Variants in MYRIP observed in about 807,000 individuals in gnomAD.
MYRIP encodes myosin VIIA and Rab interacting protein.
A neutral mutation model predicts 98.0 loss-of-function variants in MYRIP; 49 were observed. That is an observed-to-expected ratio of 0.50 (90% CI 0.40 to 0.63). The LOEUF (loss-of-function observed/expected upper bound fraction) is 0.63. MYRIP is among the 30% of genes least tolerant of loss of function. MYRIP has a pLI of 0.00. For synonymous variants in MYRIP, 404 were observed against 409.5 expected (o/e 0.99, Z 0.16); for missense variants, 1,004 against 1,058.2 (o/e 0.95, Z 0.71).
intron 10 of MYRIP, among the ~76,000 whole-genome samples, chr3:40,204,123 AG>A (rs1559451755): frequency 1.1e-4 from 2 of 17,670 alleles, no homozygotes; most frequent in African/African-American, 1.5e-4. Context: ...ATAAATATAG[AG>A]TATTATATAA....
intron 2 of MYRIP, among the ~76,000 whole-genome samples, chr3:39,947,766 C>G (rs962305751): frequency 2.6e-5 from 4 of 152,142 alleles, no homozygotes; most frequent in African/African-American, 9.7e-5. Flanking sequence ...GAGAGAGACC[C>G]TGTCTCAGAA....
chr3:40,068,735 G>A (rs1328890479), intron 3 of MYRIP, among the ~76,000 whole-genome samples: 2 of 152,168 alleles, frequency 1.3e-5, no homozygotes, highest in African/African-American at 4.8e-5. Context: ...AGAGGAAAAG[G>A]TACATCATCC....
intron 1 of MYRIP, among the ~76,000 whole-genome samples, chr3:39,861,411 C>G (rs535660427): frequency 1.3e-5 from 2 of 152,334 alleles, no homozygotes; most frequent in South Asian, 2.1e-4. Context: ...AGCAAAAGAA[C>G]TCTGGCAAAT....
intron 1 of MYRIP, among the ~76,000 whole-genome samples, chr3:39,830,421 T>C (rs373514921): frequency 6.6e-6 from 1 of 152,192 alleles, no homozygotes. Context: ...ATTCTCTTCA[T>C]TGATGTCTCA....
intron 3 of MYRIP, among the ~76,000 whole-genome samples, chr3:40,104,361 T>C (rs1949012727): frequency 6.6e-6 from 1 of 152,206 alleles, no homozygotes; most frequent in Non-Finnish European, 1.5e-5. Flanking sequence ...ATATTCTCCA[T>C]TTTCTCAGTG....
At chr3:39,931,167 C>T (rs1944528531) in intron 2 of MYRIP, among the ~76,000 whole-genome samples, 1 of 152,000 alleles carries the variant, frequency 6.6e-6, no homozygotes, top group African/African-American at 2.4e-5. Flanking sequence ...ATTTAATCCA[C>T]AAACATGGGA....
chr3:39,853,109 G>T lies in MYRIP; in HGVS notation c.-31+43193G>T, dbSNP rs78145034. 9.8e-3 allele frequency among the ~76,000 whole-genome samples: 1,490 copies of T among 152,248 alleles called. 18 individuals carry two copies. The highest frequency in any genetic ancestry group is 0.034 in the African/African-American group (1,414 of 41,546). On this transcript the variant is annotated intron_variant, in intron 1 of 16. Coordinates refer to ENST00000302541, the MANE Select transcript of MYRIP (RefSeq NM_015460.4). ...TTTCATTCTTTTTTATGGTTGAGAA[G>T]TATTTCATAGCATATGTATACTACA...
chr3:40,127,881 C>G (rs1314863140), intron 3 of MYRIP, among the ~76,000 whole-genome samples: 1 of 152,232 alleles, frequency 6.6e-6, no homozygotes, highest in African/African-American at 2.4e-5. Flanking sequence ...TGCCTGCTCC[C>G]TCATCCCTCT....
At chr3:40,095,134 G>T (rs1225026936) in intron 3 of MYRIP, among the ~76,000 whole-genome samples, 1 of 152,102 alleles carries the variant, frequency 6.6e-6, no homozygotes, top group Non-Finnish European at 1.5e-5. Context: ...GAGGCAGGGG[G>T]ACACTTTTAC....
At chr3:40,014,667 T>C (rs1222956504) in intron 2 of MYRIP, among the ~76,000 whole-genome samples, 2 of 152,186 alleles carry the variant, frequency 1.3e-5, no homozygotes, top group East Asian at 3.9e-4. Context: ...TGGTCTATGG[T>C]AGTTTCTATC....
At chr3:39,825,049 T>C (rs796328505) in intron 1 of MYRIP, among the ~76,000 whole-genome samples, 5 of 152,334 alleles carry the variant, frequency 3.3e-5, no homozygotes, top group African/African-American at 1.2e-4. Flanking sequence ...GTTGATGTTG[T>C]ATACTACAAC....
chr3:40,112,229 A>G (rs1468990191), intron 3 of MYRIP, among the ~76,000 whole-genome samples: 1 of 151,110 alleles, frequency 6.6e-6, no homozygotes, highest in African/African-American at 2.4e-5. Flanking sequence ...AGGAATAGAG[A>G]AATTAATATC....
chr3:39,990,183 G>A (rs1946139972), intron 2 of MYRIP, among the ~76,000 whole-genome samples: 1 of 152,204 alleles, frequency 6.6e-6, no homozygotes. Flanking sequence ...ATGGAAAAAG[G>A]ACATTTTCCA....
intron 2 of MYRIP, among the ~76,000 whole-genome samples, chr3:40,009,069 C>A (rs1333251895): frequency 6.6e-6 from 1 of 152,154 alleles, no homozygotes; most frequent in Non-Finnish European, 1.5e-5. Context: ...GAAATAGCAA[C>A]ACAGAGTGTT....
chr3:40,078,048 G>A (rs867591343), intron 3 of MYRIP, among the ~76,000 whole-genome samples: 54 of 152,366 alleles, frequency 3.5e-4, no homozygotes, highest in African/African-American at 1.2e-3. Flanking sequence ...GGCATGGCGG[G>A]CTGCAGGTCC....
chr3:40,067,741 C>A (rs1948151342), intron 3 of MYRIP, among the ~76,000 whole-genome samples: 1 of 138,256 alleles, frequency 7.2e-6, no homozygotes, highest in African/African-American at 2.7e-5. Flanking sequence ...CACGAGATAC[C>A]CTGAAATGAG....
In MYRIP at chr3:40,131,103, T is replaced by C. The variant is rs117988237; in HGVS notation, c.333-19945T>C. 1.2e-3 allele frequency among the ~76,000 whole-genome samples: 184 copies of C among 152,306 alleles called. 6 individuals carry two copies. In the East Asian group the frequency reaches 0.032, roughly 26 times the overall value. ...AGTTATTTATGAGAATTTTGAAGAA[T>C]TGCCATTGTGAAAAATTGCAATACT... On this transcript the variant is annotated intron_variant, in intron 3 of 16. Coordinates refer to ENST00000302541, the MANE Select transcript of MYRIP (RefSeq NM_015460.4).
intron 2 of MYRIP, among the ~76,000 whole-genome samples, chr3:39,912,868 T>A (rs1944056788): frequency 6.6e-6 from 1 of 152,130 alleles, no homozygotes; most frequent in Admixed American, 6.5e-5. Context: ...GGCAAAACCC[T>A]GTCTCTACTA....
intron 2 of MYRIP, among the ~76,000 whole-genome samples, chr3:39,969,246 A>G (rs932927280): frequency 3.9e-5 from 6 of 152,250 alleles, no homozygotes; most frequent in Admixed American, 1.3e-4. Flanking sequence ...GATTTTCTAG[A>G]CATAGAATCA....
Sources: gnomAD v4.1 joint callset for allele counts (sites outside exome capture counted in the v4.1 genomes callset) on GRCh38, gnomAD v4.1.1 for gene constraint, MANE v1.5 for transcripts, NCBI Gene and HGNC (gene_info 2026-07-23, HGNC 2026-07-21) for gene names.